MYH13: variants seen among roughly 807,000 people sequenced by gnomAD.
MYH13 encodes the protein myosin heavy chain 13, also known as myosin-13.
Under a neutral mutation model 232.1 loss-of-function variants are expected in MYH13, and 177 were observed. The observed-to-expected ratio is 0.76, with a 90% confidence interval of 0.67 to 0.86. The LOEUF (loss-of-function observed/expected upper bound fraction) is 0.86, where lower values mean the gene tolerates loss of function less well. Ranked by LOEUF, MYH13 falls within the 40% of genes least tolerant of loss-of-function variation. MYH13 has a pLI of 0.00. For synonymous variants in MYH13, 884 were observed against 923.5 expected (o/e 0.96, Z 0.78); for missense variants, 2,246 against 2,405.9 (o/e 0.93, Z 1.39).
rs150455118 is a variant in MYH13 at position 10,365,840 on chromosome 17, G to GGTGTGT, written c.-12-1304_-12-1299dup. Among the ~76,000 whole-genome samples, 630 of 140,276 alleles carry GGTGTGT rather than the reference G, an allele frequency of 4.5e-3. 4 individuals carry two copies. Among genetic ancestry groups the GGTGTGT allele is most frequent in the Non-Finnish European group, 5.5e-3 (358 of 64,956 alleles). 92.0% of individuals were successfully genotyped at this position (140,276 alleles called of 152,430 possible). On this transcript the variant is annotated intron_variant, in intron 2 of 40. Coordinates refer to ENST00000252172, the MANE Select transcript of MYH13 (RefSeq NM_003802.3). ...ATACCCACCTTAGAACTTGCTGCAT[G>GGTGTGT]GTGTGTGTGTGTGTGTGTGTGTGTG... is the stretch of plus-strand genomic sequence containing the variant.
At chr17:10,322,330 A>T (rs368308224) in intron 23 of MYH13, among the ~76,000 whole-genome samples, 1 of 152,270 alleles carries the variant, frequency 6.6e-6, no homozygotes, top group South Asian at 2.1e-4. Flanking sequence ...AACAGGAGGC[A>T]GAGGTTGCAG....
chr17:10,309,253 A>C lies in MYH13; in HGVS notation c.5150T>G (p.Val1717Gly). The C allele has an allele frequency of 6.2e-7, 1 of 1,613,488 alleles. No homozygotes were observed. The highest frequency in any genetic ancestry group is 8.5e-7 in the Non-Finnish European group (1 of 1,179,790). ...EQELLDASDRVQLLHSQNTSL... is the reference protein window; with the variant it reads ...EQELLDASDRGQLLHSQNTSL... ...ACGCACCTGGGAGTGCAGGAGCTGC[A>C]CGCGGTCGCTGGCGTCCAGCAGCTC... The change falls in exon 35 of 41, where the codon GTG becomes GGG. Residue 1717 changes from valine (V) to glycine (G), a missense_variant. By Grantham distance (109) the Val-to-Gly change is moderately radical. Coordinates refer to ENST00000252172, the MANE Select transcript of MYH13 (RefSeq NM_003802.3).
intron 18 of MYH13, among the ~76,000 whole-genome samples, chr17:10,337,193 G>T (rs940819223): frequency 2.6e-5 from 4 of 152,194 alleles, no homozygotes; most frequent in Non-Finnish European, 5.9e-5. Flanking sequence ...TTACAGGCGT[G>T]AGCCACCATG....
Position 10,320,381 on chromosome 17 carries a change from T to A in MYH13, c.3227A>T (p.Asp1076Val). ...SQESIMDLEN[D>V]KQQIEEKLKK... ...CAATTTCTCTTCTATTTGCTGCTTG[T>A]CATTTTCTAGATCCATAATGGATTC... Residue 1076 changes from aspartate to valine, a missense_variant, in exon 25 of 41, where the codon GAC becomes GTC. Transcript: ENST00000252172. The A allele has an allele frequency of 6.2e-7, 1 of 1,612,554 alleles. No homozygotes were observed. The highest frequency in any genetic ancestry group is 8.5e-7 in the Non-Finnish European group (1 of 1,179,206).
In MYH13 at chr17:10,306,461, G is replaced by C. The variant is rs116935297; in HGVS notation, c.5464C>G (p.Arg1822Gly). 2.5e-6 allele frequency: 4 copies of C among 1,614,036 alleles called. No individual in the cohort carries two copies. The highest frequency in any genetic ancestry group is 3.4e-6 in the Non-Finnish European group (4 of 1,179,994). ...GKKQIQKLEN[R>G]VRELENELDV... ...AACAGTCCTCTCAAAAACTCTACCC[G>C]GTTCTCCAGTTTCTGGATCTGCTTC... is the stretch of plus-strand genomic sequence containing the variant. The change falls in exon 37 of 41, where the codon CGG becomes GGG. Residue 1822 changes from arginine to glycine, a missense_variant and splice_region_variant. Coordinates refer to ENST00000252172, the MANE Select transcript of MYH13 (RefSeq NM_003802.3). This position sits in a 1 kb window ranked among gnomAD's most constrained non-coding sequence, Gnocchi z 4.3.
intron 19 of MYH13, among the ~76,000 whole-genome samples, 178 bp from the exon 20 acceptor site, chr17:10,332,400 C>T (rs142362488): frequency 6.6e-6 from 1 of 152,050 alleles, no homozygotes; most frequent in Admixed American, 6.6e-5. Flanking sequence ...TGAATCAGCC[C>T]CCTTGGGAGA....
intron 2 of MYH13, among the ~76,000 whole-genome samples, chr17:10,365,955 T>G (rs866654008): frequency 5.3e-5 from 8 of 151,854 alleles, no homozygotes; most frequent in Non-Finnish European, 8.8e-5. Flanking sequence ...CTAAACTATC[T>G]CCCTTTGCTG....
At chr17:10,366,232 T>C (rs1239994312) in intron 2 of MYH13, among the ~76,000 whole-genome samples, 2 of 151,962 alleles carry the variant, frequency 1.3e-5, no homozygotes, top group Non-Finnish European at 2.9e-5. Flanking sequence ...CACTACCTAT[T>C]TTCCTCAAGT....
At chr17:10,366,380 TG>T (rs1336481834) in intron 2 of MYH13, among the ~76,000 whole-genome samples, 2 of 142,590 alleles carry the variant, frequency 1.4e-5, no homozygotes, top group East Asian at 4.0e-4. Flanking sequence ...GAAATAAATC[TG>T]TTTTTTTTTT....
At chr17:10,346,465 G>A (rs1459921362) in intron 13 of MYH13, among the ~76,000 whole-genome samples, 2 of 152,194 alleles carry the variant, frequency 1.3e-5, no homozygotes, top group Non-Finnish European at 2.9e-5. Flanking sequence ...GCTCCAGAGG[G>A]CTCTTCACTT....
At chr17:10,318,087 CA>C (rs1414137448) in intron 27 of MYH13, among the ~76,000 whole-genome samples, 2 of 152,104 alleles carry the variant, frequency 1.3e-5, no homozygotes, top group Non-Finnish European at 2.9e-5. Context: ...ACCAAAAATA[CA>C]AAAATTAGCC....
chr17:10,324,397 T>TGTGCACACACTGCACACACAC, intron 22 of MYH13, 133 bp from the exon 23 acceptor site: 1 of 1,022,822 alleles, frequency 9.8e-7, no homozygotes, highest in Non-Finnish European at 1.4e-6. Flanking sequence ...TGCACGCACA[T>TGTGCACACACTGCACACACAC]GTGCACACAC....
chr17:10,327,775 C>G, intron 22 of MYH13, 91 bp downstream of exon 22: 1 of 1,517,580 alleles, frequency 6.6e-7, no homozygotes, highest in Non-Finnish European at 8.9e-7. Flanking sequence ...CACTGTCTCT[C>G]GAATAGACAC....
At chr17:10,348,587 G>A (rs2071685394) in intron 12 of MYH13, among the ~76,000 whole-genome samples, 1 of 152,130 alleles carries the variant, frequency 6.6e-6, no homozygotes, top group Non-Finnish European at 1.5e-5. Flanking sequence ...CCTAAGCACT[G>A]CACACACACA....
At chr17:10,369,745 A>G (rs1448966639) in intron 2 of MYH13, among the ~76,000 whole-genome samples, 2 of 152,190 alleles carry the variant, frequency 1.3e-5, no homozygotes, top group African/African-American at 4.8e-5. Context: ...AGTATCTCCT[A>G]GTAGTATTAC....
In MYH13 at chr17:10,345,260, T is replaced by G; in HGVS notation, c.1526A>C (p.Glu509Ala). 1 of 1,614,170 alleles carries G rather than the reference T, an allele frequency of 6.2e-7. No individual in the cohort carries two copies. The highest frequency in any genetic ancestry group is 8.5e-7 in the Non-Finnish European group (1 of 1,180,010). Reference sequence around the variant, plus strand: ...CATTCCGAAGTCAATGAACTCCCACTCGATGCCTTCCTTCTTGTACTCTTC... The same window carrying G: ...CATTCCGAAGTCAATGAACTCCCACGCGATGCCTTCCTTCTTGTACTCTTC... The part of the protein sequence containing the change: ...EQEEYKKEGI[E>A]WEFIDFGMDL... The change falls in exon 15 of 41, where the codon GAG (glutamate) becomes GCG (alanine). Residue 509 changes from glutamate (E) to alanine (A), a missense_variant. Glu to Ala is a moderately radical substitution (Grantham distance 107). Coordinates refer to ENST00000252172, the MANE Select transcript of MYH13 (RefSeq NM_003802.3).
At position 10,309,183 on chromosome 17, in the gene MYH13, C is replaced by T. The variant is rs1407637456; in HGVS notation, c.5169+51G>A. ...GGAAGCAGCTGCACGGTGCAGGAGG[C>T]GCTATCTGCCCCAGGGTGGACCTTC... is the stretch of plus-strand genomic sequence containing the variant. On this transcript the variant is annotated intron_variant, in intron 35 of 40. Transcript: ENST00000252172. 15 of 1,565,474 alleles carry T rather than the reference C, an allele frequency of 9.6e-6. No individual in the cohort carries two copies. In the East Asian group the frequency reaches 1.8e-4, roughly 19 times the overall value.
intron 16 of MYH13, among the ~76,000 whole-genome samples, chr17:10,340,882 G>A (rs1203078662): frequency 6.6e-6 from 1 of 152,100 alleles, no homozygotes; most frequent in Admixed American, 6.5e-5. Flanking sequence ...TGGGAATGGG[G>A]TGTGGATAGC....
At chr17:10,348,169 A>T (rs2071682157) in intron 12 of MYH13, among the ~76,000 whole-genome samples, 1 of 152,190 alleles carries the variant, frequency 6.6e-6, no homozygotes. Flanking sequence ...TTGCCCATTC[A>T]GGTAGATGGT....
Sources: gnomAD v4.1 joint callset for allele counts (sites outside exome capture counted in the v4.1 genomes callset) on GRCh38, gnomAD v4.1.1 for gene constraint, Gnocchi (gnomAD v3.1) non-coding constraint, MANE v1.5 for transcripts, NCBI Gene and HGNC (gene_info 2026-07-23, HGNC 2026-07-21) for gene names.